The following COQ7 variants were observed in gnomAD, a reference collection of about 807,000 sequenced individuals.
COQ7 encodes NADPH-dependent 3-demethoxyubiquinone 3-hydroxylase, mitochondrial.
In COQ7, 21 loss-of-function variants were observed where a neutral mutation model predicts 25.0. The ratio of observed to expected loss-of-function variants is 0.84; its 90% CI spans 0.60 to 1.21. The LOEUF (loss-of-function observed/expected upper bound fraction) is 1.21, where lower values mean the gene tolerates loss of function less well. Ranked by LOEUF, COQ7 falls within the 50% of genes most tolerant of loss-of-function variation. The pLI is 0.00. For synonymous variants in COQ7, 125 were observed against 112.4 expected, an observed-to-expected ratio of 1.11 and a Z score of -0.71; for missense variants, 311 against 296.2, an observed-to-expected ratio of 1.05 and a Z score of -0.37.
rs146851380 is a variant in COQ7, at chr16:19,070,475, G to C, written c.74-1453G>C. On this transcript the variant is annotated intron_variant, in intron 1 of 5. Transcript: ENST00000321998. ...TGGCTGGGCATGGTGGCTCACGCCT[G>C]TAATCCCAGCACTTTGGGAAGCCAA... is the stretch of plus-strand genomic sequence containing the variant. 3.5e-4 allele frequency among the ~76,000 whole-genome samples: 53 copies of C among 152,312 alleles called. 2 individuals carry two copies. The East Asian group carries it at 9.7e-3, about 28-fold the overall frequency.
intron 4 of COQ7, 91 bp downstream of exon 4, chr16:19,075,951 G>A (rs1269301776): frequency 2.0e-6 from 3 of 1,532,386 alleles, no homozygotes; most frequent in Non-Finnish European, 8.9e-7. Context: ...AGATTGTTAG[G>A]GGATGATGGG....
At chr16:19,076,778 G>T (rs1235049432) in intron 4 of COQ7, among the ~76,000 whole-genome samples, 1 of 151,808 alleles carries the variant, frequency 6.6e-6, no homozygotes, top group Non-Finnish European at 1.5e-5. Context: ...TTTTAGTAGA[G>T]ACGGGGTTTC....
chr16:19,075,674 G>A (rs772472559), intron 3 of COQ7, 47 bp from the exon 4 acceptor site: 21 of 1,524,806 alleles, frequency 1.4e-5, no homozygotes, highest in African/African-American at 5.6e-5. Context: ...CTCCATTACC[G>A]GTCATATCTG....
intron 1 of COQ7, 126 bp downstream of exon 1, chr16:19,067,863 G>T: frequency 6.7e-7 from 1 of 1,501,216 alleles, no homozygotes; most frequent in South Asian, 1.3e-5. Flanking sequence ...GACGGAGCGC[G>T]ACTGCGTGAC....
chr16:19,067,860 C>G, intron 1 of COQ7, 123 bp downstream of exon 1: 1 of 1,500,028 alleles, frequency 6.7e-7, no homozygotes. Flanking sequence ...TGCGACGGAG[C>G]GCGACTGCGT....
chr16:19,073,253 G>T (rs1256226820), intron 2 of COQ7, among the ~76,000 whole-genome samples: 3 of 152,048 alleles, frequency 2.0e-5, no homozygotes, highest in African/African-American at 7.2e-5. Context: ...AGGTTGCAGG[G>T]AGCTGAGATC....
chr16:19,070,620 G>A (rs1174641054), intron 1 of COQ7, among the ~76,000 whole-genome samples: 1 of 152,104 alleles, frequency 6.6e-6, no homozygotes, highest in Non-Finnish European at 1.5e-5. Flanking sequence ...TGTAGTCCTA[G>A]CTACTCTGGA....
At chr16:19,070,157 C>T (rs1418345803) in intron 1 of COQ7, among the ~76,000 whole-genome samples, 1 of 152,112 alleles carries the variant, frequency 6.6e-6, no homozygotes, top group Non-Finnish European at 1.5e-5. Flanking sequence ...AAAGCTGGGT[C>T]ACTATGCTTC....
downstream of COQ7, among the ~76,000 whole-genome samples, chr16:19,081,276 G>T (rs1013727292): frequency 2.0e-5 from 3 of 152,168 alleles, no homozygotes; most frequent in Admixed American, 6.5e-5. Context: ...TTGCATAAGT[G>T]CAACAAGAAT....
rs1962298069 is a variant in COQ7, at chr16:19,067,735, C to T, written c.71C>T (p.Ser24Leu). The stretch of plus-strand genomic sequence containing the variant: ...CGCCCGGGGGCCCGGCGGTCCCTCT[C>T]AGGTAAAAGGAGGCGCGCAGTCACA... ...RLRPGARRSL[S>L]AYGRRTSVRF... Residue 24 changes from serine to leucine, a missense_variant and splice_region_variant, in exon 1 of 6, where the codon TCA (serine) becomes TTA (leucine). Ser to Leu is a moderately radical substitution (Grantham distance 145). Coordinates refer to ENST00000321998, the MANE Select transcript of COQ7 (RefSeq NM_016138.5). The T allele has an allele frequency of 6.2e-7, 1 of 1,603,324 alleles. No homozygotes were observed. The highest frequency in any genetic ancestry group is 8.5e-7 in the Non-Finnish European group (1 of 1,178,090).
downstream of COQ7, among the ~76,000 whole-genome samples, chr16:19,083,072 A>G (rs1963121100): frequency 6.6e-6 from 1 of 152,214 alleles, no homozygotes; most frequent in Non-Finnish European, 1.5e-5. Flanking sequence ...TGGATCATAC[A>G]TGTTAAAATT....
chr16:19,069,100 A>T (rs982022701), intron 1 of COQ7, among the ~76,000 whole-genome samples: 3 of 152,178 alleles, frequency 2.0e-5, no homozygotes, highest in African/African-American at 4.8e-5. Flanking sequence ...TAAGCCACTT[A>T]ATATTTTGTA....
chr16:19,070,682 T>G (rs1962507484), intron 1 of COQ7, among the ~76,000 whole-genome samples: 1 of 151,318 alleles, frequency 6.6e-6, no homozygotes, highest in Non-Finnish European at 1.5e-5. Flanking sequence ...GTCTGAAAGG[T>G]GGAGTTTGCG....
rs60523088 is a variant in COQ7, at chr16:19,077,590, C to CT, written c.576+230dup. 1.2e-3 allele frequency among the ~76,000 whole-genome samples: 91 copies of CT among 74,410 alleles called. 11 individuals carry two copies. The highest frequency in any genetic ancestry group is 0.011 in the Middle Eastern group (1 of 90). 48.8% of individuals were successfully genotyped at this position (74,410 alleles called of 152,430 possible). A position where few individuals can be genotyped will look rare whatever the true frequency, so the allele number is the denominator to read the frequency against. ...TATGCCTTCTCCTTTTCCCCAGAAG[C>CT]TTTTTTTTTTTTTTCCCAGACACAG... On this transcript the variant is annotated intron_variant, in intron 5 of 5. Coordinates refer to ENST00000321998, the MANE Select transcript of COQ7 (RefSeq NM_016138.5).
intron 1 of COQ7, 31 bp downstream of exon 1, chr16:19,067,768 G>A (rs531594441): frequency 6.3e-7 from 1 of 1,587,712 alleles, no homozygotes; most frequent in South Asian, 1.1e-5. Context: ...ACAGTCCTGC[G>A]CCGGTCTAGC....
chr16:19,078,886 A>T lies in COQ7; in HGVS notation c.*728A>T, dbSNP rs1962997186. The T allele has an allele frequency of 1.3e-5, 2 of 152,208 alleles. No individual in the cohort carries two copies. Among genetic ancestry groups the T allele is most frequent in the Non-Finnish European group, 2.9e-5 (2 of 68,036 alleles). The allele number at this position is 152,208 out of a possible 1,614,324, so 9.4% of individuals were successfully genotyped here. A position where few individuals can be genotyped will look rare whatever the true frequency, so the allele number is the denominator to read the frequency against. ...TATTTGAGATTGGCCAAGCAGAACT[A>T]TGAAGTCCATCAAGTAAGTCAAAGA... is the stretch of plus-strand genomic sequence containing the variant. On this transcript the variant is annotated 3_prime_UTR_variant, in exon 6 of 6. Transcript: ENST00000321998.
intron 2 of COQ7, among the ~76,000 whole-genome samples, chr16:19,072,842 C>A (rs957150907): frequency 6.6e-6 from 1 of 152,192 alleles, no homozygotes; most frequent in Non-Finnish European, 1.5e-5. Context: ...TAAGTGTTAG[C>A]TGCAGCTAGC....
downstream of COQ7, among the ~76,000 whole-genome samples, chr16:19,081,312 A>G (rs1446936709): frequency 6.6e-6 from 1 of 152,186 alleles, no homozygotes; most frequent in Non-Finnish European, 1.5e-5. Context: ...ACAGGACACA[A>G]TTGGAGAAAC....
chr16:19,068,940 T>G, intron 1 of COQ7: 1 of 429,922 alleles, frequency 2.3e-6, no homozygotes, highest in Non-Finnish European at 4.6e-6. Flanking sequence ...TTAAATACTG[T>G]CTTTCTGTTA....
Sources: gnomAD v4.1 joint callset for allele counts (sites outside exome capture counted in the v4.1 genomes callset) on GRCh38, gnomAD v4.1.1 for gene constraint, MANE v1.5 for transcripts, NCBI Gene and HGNC (gene_info 2026-07-23, HGNC 2026-07-21) for gene names.